The following EIF3D variants were observed in gnomAD, a reference collection of about 807,000 sequenced individuals.
EIF3D encodes the protein eIF3 p66.
A neutral mutation model predicts 75.4 loss-of-function variants in EIF3D; 10 were observed. That is an observed-to-expected ratio of 0.13 (90% CI 0.08 to 0.22). The LOEUF is 0.22. Among genes scored for constraint, EIF3D ranks in the 10% least tolerant of loss-of-function variants. The pLI is 1.00. For synonymous variants in EIF3D, 246 were observed against 248.3 expected, an observed-to-expected ratio of 0.99 and a Z score of 0.09; for missense variants, 394 against 708.0, an observed-to-expected ratio of 0.56 and a Z score of 5.03.
At chr22:36,518,666 C>T in intron 9 of EIF3D, 97 bp downstream of exon 9, 1 of 1,491,810 alleles carries the variant, frequency 6.7e-7, no homozygotes, top group Non-Finnish European at 9.1e-7. Flanking sequence ...CTTGGGAAGA[C>T]AGACCACTTT....
chr22:36,524,104 G>T, intron 4 of EIF3D, 124 bp from the exon 5 acceptor site: 1 of 955,298 alleles, frequency 1.0e-6, no homozygotes, highest in Non-Finnish European at 1.7e-6. Flanking sequence ...ATCTTACTCT[G>T]TGCTTTCACT....
At chr22:36,528,017 T>C (rs899719582) in intron 1 of EIF3D, among the ~76,000 whole-genome samples, 1 of 152,174 alleles carries the variant, frequency 6.6e-6, no homozygotes, top group African/African-American at 2.4e-5. Flanking sequence ...AAAAGGGTGG[T>C]GGTCTCAGAA....
At chr22:36,512,793 A>G (rs764441886) in intron 12 of EIF3D, 191 bp from the exon 13 acceptor site, 15 of 606,052 alleles carry the variant, frequency 2.5e-5, no homozygotes, top group Non-Finnish European at 4.2e-5. Flanking sequence ...GCAGTCACTC[A>G]ACGACTTACA....
intron 6 of EIF3D, among the ~76,000 whole-genome samples, chr22:36,521,354 T>C (rs1934509444): frequency 6.6e-6 from 1 of 152,176 alleles, no homozygotes; most frequent in Non-Finnish European, 1.5e-5. Flanking sequence ...TCCCAGGTAA[T>C]GATGTCACCT....
At chr22:36,512,870 C>CGG in intron 12 of EIF3D, 1 of 417,378 alleles carries the variant, frequency 2.4e-6, no homozygotes, top group South Asian at 3.0e-5. Context: ...CACACACACA[C>CGG]ACACACACAC....
chr22:36,513,185 G>C (rs1568997665), intron 12 of EIF3D, among the ~76,000 whole-genome samples: 1 of 152,162 alleles, frequency 6.6e-6, no homozygotes, highest in Non-Finnish European at 1.5e-5. Context: ...TGTAGACGTG[G>C]GAAGTTGGAC....
intron 9 of EIF3D, among the ~76,000 whole-genome samples, chr22:36,518,494 TA>T (rs66811304): frequency 0.037 from 5,408 of 144,658 alleles, 101 homozygotes; most frequent in Middle Eastern, 0.13. Context: ...CTGTCTCAAT[TA>T]AAAAAAAAAA....
At chr22:36,517,470 G>A (rs764579973) in intron 9 of EIF3D, 39 bp from the exon 10 acceptor site, 2 of 1,587,654 alleles carry the variant, frequency 1.3e-6, no homozygotes, top group Middle Eastern at 1.8e-4. Context: ...ATGCAACAAA[G>A]AGTCACTGAC....
chr22:36,511,071 C>A, intron 14 of EIF3D, 71 bp from the exon 15 acceptor site: 1 of 1,563,246 alleles, frequency 6.4e-7, no homozygotes, highest in Non-Finnish European at 8.7e-7. Context: ...CCTTTCTGAA[C>A]CTCTGCTGGA....
chr22:36,516,289 A>T (rs555644656), intron 12 of EIF3D, 189 bp downstream of exon 12: 1 of 636,380 alleles, frequency 1.6e-6, no homozygotes, highest in East Asian at 2.8e-5. Context: ...CTACACACAC[A>T]GTCATGCTCT....
intron 10 of EIF3D, 123 bp downstream of exon 10, chr22:36,517,178 A>T: frequency 1.5e-6 from 2 of 1,304,542 alleles, no homozygotes; most frequent in Non-Finnish European, 2.1e-6. Flanking sequence ...TCCCCTGCTA[A>T]AGGTGGGGAC....
At position 36,524,735 on chromosome 22, in the gene EIF3D, G is replaced by A. The variant is rs762321129; in HGVS notation, c.170-3C>T. 1 of 1,614,178 alleles carries A rather than the reference G, an allele frequency of 6.2e-7. No individual in the cohort carries two copies. The highest frequency in any genetic ancestry group is 2.2e-5 in the East Asian group (1 of 44,884). On this transcript the variant is annotated splice_region_variant and splice_polypyrimidine_tract_variant and intron_variant, in intron 3 of 14. Coordinates refer to ENST00000216190, the MANE Select transcript of EIF3D (RefSeq NM_003753.4). ...ACCAAACTGAGAGGAGTACTTATCT[G>A]GAGGCAAAGGTGATGGCATGTAGTA...
chr22:36,517,055 C>T, intron 10 of EIF3D: 1 of 614,474 alleles, frequency 1.6e-6, no homozygotes, highest in Non-Finnish European at 2.8e-6. Flanking sequence ...TGATGTAAAT[C>T]AATTTATTAT....
In EIF3D at chr22:36,516,690, A is replaced by T. The variant is rs1934432805; in HGVS notation, c.1076+15T>A. On this transcript the variant is annotated intron_variant, in intron 11 of 14. Coordinates refer to ENST00000216190, the MANE Select transcript of EIF3D (RefSeq NM_003753.4). ...CTCCAGTCTGGCCACAATACCCACC[A>T]GAGAGGTGACCTACCGGTACGCAAC... The T allele has an allele frequency of 1.9e-6, 3 of 1,614,206 alleles. No homozygotes were observed. Among genetic ancestry groups the T allele is most frequent in the Non-Finnish European group, 1.7e-6 (2 of 1,179,996 alleles).
At chr22:36,529,025 G>A (rs1934656582) in intron 1 of EIF3D, 51 bp downstream of exon 1, 1 of 362,510 alleles carries the variant, frequency 2.8e-6, no homozygotes, top group South Asian at 1.5e-4. Flanking sequence ...GCTGGACCTA[G>A]TCCGAACCGG....
chr22:36,522,718 C>T (rs62230011), intron 6 of EIF3D, among the ~76,000 whole-genome samples: 3,724 of 152,244 alleles, frequency 0.024, 76 homozygotes, highest in Non-Finnish European at 0.039. Context: ...GTTGCTACTG[C>T]GGCAGTGTCG....
rs549435624 is a variant in EIF3D, at chr22:36,517,497, T to G, written c.860-66A>C. On this transcript the variant is annotated intron_variant, in intron 9 of 14. Transcript: ENST00000216190. ...GTCACTGACAATGTGCGCAGCGCTG[T>G]GGGGAGATGTGGAGAGGCAAACAAC... 8.5e-5 allele frequency: 128 copies of G among 1,502,774 alleles called. 1 individual carries two copies. The African/African-American group carries it at 1.6e-3, about 19-fold the overall frequency. The allele number at this position is 1,502,774 out of a possible 1,614,324, so 93.1% of individuals were successfully genotyped here. A position where few individuals can be genotyped will look rare whatever the true frequency, so the allele number is the denominator to read the frequency against.
Position 36,512,628 on chromosome 22 carries a change from C to A in EIF3D, c.1207-26G>T, listed in dbSNP as rs774161153. On this transcript the variant is annotated intron_variant, in intron 12 of 14. Transcript: ENST00000216190. The stretch of plus-strand genomic sequence containing the variant: ...CTGCAGGAGAGCCCCGTTAGAGAAA[C>A]AGAAGCAAGCTCCAAATGCCCAAGG... 1.1e-5 allele frequency: 18 copies of A among 1,598,968 alleles called. No homozygotes were observed. The African/African-American group carries it at 2.4e-4, about 21-fold the overall frequency.
chr22:36,528,747 A>C (rs1934649368), intron 1 of EIF3D: 2 of 152,428 alleles, frequency 1.3e-5, no homozygotes, highest in African/African-American at 4.8e-5. Context: ...CCTCACTCAA[A>C]AAGTCAGGGA....
Sources: gnomAD v4.1 joint callset for allele counts (sites outside exome capture counted in the v4.1 genomes callset) on GRCh38, gnomAD v4.1.1 for gene constraint, MANE v1.5 for transcripts, NCBI Gene and HGNC (gene_info 2026-07-23, HGNC 2026-07-21) for gene names.